Variants in LAMTOR1 observed in about 807,000 individuals in gnomAD.
LAMTOR1 encodes the protein late endosomal/lysosomal adaptor, MAPK and MTOR activator 1, also known as ragulator complex protein LAMTOR1.
LAMTOR1 carries 8 observed loss-of-function variants against 20.5 expected under a neutral mutation model. The ratio of observed to expected loss-of-function variants is 0.39; its 90% CI spans 0.23 to 0.70. LAMTOR1 has a LOEUF of 0.70. Among genes scored for constraint, LAMTOR1 ranks in the 30% least tolerant of loss-of-function variants. The pLI is 0.43. For missense variants in LAMTOR1, 135 were observed against 206.2 expected (o/e 0.65, Z 2.11); for synonymous variants, 77 against 80.9 (o/e 0.95, Z 0.26).
chr11:72,097,352 T>TA lies in LAMTOR1; in HGVS notation c.*469dup. 1 of 995,620 alleles carries TA rather than the reference T, an allele frequency of 1.0e-6. No individual in the cohort carries two copies. The highest frequency in any genetic ancestry group is 1.2e-6 in the Non-Finnish European group (1 of 835,314). 61.7% of individuals were successfully genotyped at this position (995,620 alleles called of 1,614,324 possible). A position where few individuals can be genotyped will look rare whatever the true frequency, so the allele number is the denominator to read the frequency against. On this transcript the variant is annotated 3_prime_UTR_variant, in exon 5 of 5. Transcript: ENST00000278671. ...CCAAAACAAAAAAAGACCAAACATG[T>TA]AAAAACCCAGGGTTCTAGAAATACA...
chr11:72,101,271 T>A (rs1333924897), intron 1 of LAMTOR1, among the ~76,000 whole-genome samples: 1 of 119,978 alleles, frequency 8.3e-6, no homozygotes, highest in Non-Finnish European at 1.6e-5. Context: ...GGAGCATGGG[T>A]TAGGTTTGTC....
chr11:72,098,735 TG>T, intron 3 of LAMTOR1, 45 bp downstream of exon 3: 1 of 1,362,674 alleles, frequency 7.3e-7, no homozygotes. Context: ...TGATGGAGGG[TG>T]GGAGCCCAAG....
At position 72,097,895 on chromosome 11, in the gene LAMTOR1, T is replaced by C. The variant is rs765114327; in HGVS notation, c.413A>G (p.Tyr138Cys). 6.2e-7 allele frequency: 1 copy of C among 1,604,552 alleles called. No homozygotes were observed. Among genetic ancestry groups the C allele is most frequent in the East Asian group, 2.2e-5 (1 of 44,544 alleles). Residue 138 changes from tyrosine to cysteine, a missense_variant, in exon 5 of 5, where the codon TAT becomes TGT. Coordinates refer to ENST00000278671, the MANE Select transcript of LAMTOR1 (RefSeq NM_017907.3). ...GATCTGAGAAAGTGCACTGTAGGCA[T>C]AAGCAGCTATCCTGGAGACCTGAGA... ...DLQQVSRIAA[Y>C]AYSALSQIRV... is the part of the protein sequence containing the mutation.
chr11:72,098,486 C>T (rs1434487273), intron 3 of LAMTOR1, 71 bp from the exon 4 acceptor site: 17 of 1,533,692 alleles, frequency 1.1e-5, no homozygotes, highest in Non-Finnish European at 1.5e-5. Flanking sequence ...AGGTAAGCCT[C>T]ATCCCCTCAG....
Position 72,097,345 on chromosome 11 carries a change from A to G in LAMTOR1, c.*477T>C. On this transcript the variant is annotated 3_prime_UTR_variant, in exon 5 of 5. Coordinates refer to ENST00000278671, the MANE Select transcript of LAMTOR1 (RefSeq NM_017907.3). ...TGACAAACCAAAACAAAAAAAGACC[A>G]AACATGTAAAAACCCAGGGTTCTAG... 2.0e-6 allele frequency: 2 copies of G among 995,488 alleles called. No homozygotes were observed. Among genetic ancestry groups the G allele is most frequent in the Non-Finnish European group, 2.4e-6 (2 of 835,148 alleles). The allele number at this position is 995,488 out of a possible 1,614,324, so 61.7% of individuals were successfully genotyped here.
intron 3 of LAMTOR1, 62 bp from the exon 4 acceptor site, chr11:72,098,477 G>A: frequency 6.4e-7 from 1 of 1,554,894 alleles, no homozygotes; most frequent in Non-Finnish European, 8.7e-7. Context: ...GCCCAGCCCA[G>A]GTAAGCCTCA....
At chr11:72,099,364 T>G in intron 1 of LAMTOR1, 108 bp from the exon 2 acceptor site, 1 of 1,259,598 alleles carries the variant, frequency 7.9e-7, no homozygotes, top group South Asian at 1.5e-5. Flanking sequence ...AATGTTTCTA[T>G]AAGGAATATC....
rs1165001893 is a variant in LAMTOR1, at chr11:72,098,434, G to A, written c.267-19C>T. 3 of 1,603,922 alleles carry A rather than the reference G, an allele frequency of 1.9e-6. No homozygotes were observed. The highest frequency in any genetic ancestry group is 2.6e-6 in the Non-Finnish European group (3 of 1,175,648). ...GCGGGTGCTGACCAAGAGAGAGGGG[G>A]TGGGGGTAGGCAGTTAAGCCACAGT... On this transcript the variant is annotated intron_variant, in intron 3 of 4. Coordinates refer to ENST00000278671, the MANE Select transcript of LAMTOR1 (RefSeq NM_017907.3).
intron 1 of LAMTOR1, chr11:72,100,597 G>A (rs2508856): frequency 0.073 from 11,140 of 152,332 alleles, 654 homozygotes; most frequent in East Asian, 0.16. Flanking sequence ...AGCCAAGGAT[G>A]GGCCCAGGGG....
intron 1 of LAMTOR1, among the ~76,000 whole-genome samples, chr11:72,102,306 C>T (rs1945472442): frequency 6.6e-6 from 1 of 152,190 alleles, no homozygotes; most frequent in Non-Finnish European, 1.5e-5. Flanking sequence ...TAGACAGCAA[C>T]TTGAGACTTC....
chr11:72,102,519 G>A (rs1431733169), intron 1 of LAMTOR1, among the ~76,000 whole-genome samples: 2 of 152,228 alleles, frequency 1.3e-5, no homozygotes, highest in Admixed American at 6.5e-5. Flanking sequence ...AGACTGCACT[G>A]AGGCAAGCCA....
At chr11:72,098,941 G>A (rs1565325407) in intron 2 of LAMTOR1, 83 bp from the exon 3 acceptor site, 6 of 1,366,074 alleles carry the variant, frequency 4.4e-6, no homozygotes, top group Non-Finnish European at 5.0e-6. Flanking sequence ...CCAACTCCAG[G>A]GCTATCTGAC....
chr11:72,100,118 G>A (rs971854602), intron 1 of LAMTOR1, among the ~76,000 whole-genome samples: 1 of 152,090 alleles, frequency 6.6e-6, no homozygotes, highest in Admixed American at 6.6e-5. Context: ...AAAATTAGCT[G>A]GACTTGGTAG....
intron 1 of LAMTOR1, 131 bp downstream of exon 1, chr11:72,103,052 T>C (rs1038423076): frequency 2.4e-6 from 3 of 1,228,282 alleles, no homozygotes; most frequent in Non-Finnish European, 3.5e-6. Flanking sequence ...TCCTCTGTAA[T>C]CTGTCCCCTC....
intron 3 of LAMTOR1, 25 bp from the exon 4 acceptor site, chr11:72,098,440 G>A (rs1293265939): frequency 6.2e-7 from 1 of 1,600,850 alleles, no homozygotes; most frequent in African/African-American, 1.3e-5. Flanking sequence ...GGGGGTGGGG[G>A]TAGGCAGTTA....
Position 72,098,786 on chromosome 11 carries a change from C to G in LAMTOR1, c.261G>C (p.Gln87His). The change falls in exon 3 of 5, where the codon CAG becomes CAC. Residue 87 changes from glutamine to histidine, a missense_variant. By Grantham distance (24) the Gln-to-His change is conservative (BLOSUM62 0). Coordinates refer to ENST00000278671, the MANE Select transcript of LAMTOR1 (RefSeq NM_017907.3). Reference sequence around the variant, plus strand: ...CACGCTGGCCAGGTGCTCACCTGTACTGCCTGGCACGGTCCATGTACTCAT... The same window carrying G: ...CACGCTGGCCAGGTGCTCACCTGTAGTGCCTGGCACGGTCCATGTACTCAT... ...EQHEYMDRAR[Q>H]YSTRLAVLSS... 3 of 1,547,960 alleles carry G rather than the reference C, an allele frequency of 1.9e-6. No individual in the cohort carries two copies. The highest frequency in any genetic ancestry group is 2.6e-6 in the Non-Finnish European group (3 of 1,145,230).
Position 72,098,380 on chromosome 11 carries a change from T to C in LAMTOR1, c.302A>G (p.His101Arg), listed in dbSNP as rs769897650. 2.5e-6 allele frequency: 4 copies of C among 1,612,202 alleles called. No individual in the cohort carries two copies. In the African/African-American group the frequency reaches 4.0e-5, roughly 16 times the overall value. Reference sequence around the variant, plus strand: ...CGGCAGCGGTGGCAGCTTCTTCCAATGGGTCAGGCTGCTGCTCAGCACAGC... The same window carrying C: ...CGGCAGCGGTGGCAGCTTCTTCCAACGGGTCAGGCTGCTGCTCAGCACAGC... ...RLAVLSSSLT[H>R]WKKLPPLPSL... The change falls in exon 4 of 5, where the codon CAT becomes CGT. Residue 101 changes from histidine (H) to arginine (R), a missense_variant. His to Arg is a conservative substitution (Grantham distance 29, BLOSUM62 0). Coordinates refer to ENST00000278671, the MANE Select transcript of LAMTOR1 (RefSeq NM_017907.3).
chr11:72,098,522 G>C, intron 3 of LAMTOR1, 107 bp from the exon 4 acceptor site: 4 of 1,363,858 alleles, frequency 2.9e-6, no homozygotes, highest in Non-Finnish European at 4.0e-6. Flanking sequence ...TGTCGAGGAG[G>C]GGTATCTGGG....
chr11:72,098,043 A>G (rs940830096), intron 4 of LAMTOR1, 129 bp from the exon 5 acceptor site: 50 of 1,209,668 alleles, frequency 4.1e-5, no homozygotes, highest in Non-Finnish European at 5.1e-5. Flanking sequence ...AGGCAAAGAG[A>G]AAGACAGGGA....
Sources: allele counts gnomAD v4.1 joint callset (sites outside exome capture counted in the v4.1 genomes callset), GRCh38; gene constraint gnomAD v4.1.1; transcripts MANE v1.5; gene names NCBI Gene and HGNC (gene_info 2026-07-23, HGNC 2026-07-21).